SLCO1A2: variants seen among roughly 807,000 people sequenced by gnomAD.
SLCO1A2 encodes the protein OATP-1.
Under a neutral mutation model 69.0 loss-of-function variants are expected in SLCO1A2, and 67 were observed. The observed-to-expected ratio is 0.97, with a 90% CI of 0.80 to 1.19. SLCO1A2 has a LOEUF of 1.19. SLCO1A2 is among the 50% of genes most tolerant of loss of function. The pLI is 0.00. For missense variants in SLCO1A2, 787 were observed against 793.7 expected, an observed-to-expected ratio of 0.99 and a Z score of 0.10; for synonymous variants, 260 against 265.9, an observed-to-expected ratio of 0.98 and a Z score of 0.22.
intron 4 of SLCO1A2, among the ~76,000 whole-genome samples, chr12:21,310,482 G>A (rs760388980): frequency 4.6e-5 from 7 of 152,230 alleles, no homozygotes; most frequent in South Asian, 2.1e-4. Context: ...TCAGGGTAGC[G>A]GCTGCTGAAG....
At chr12:21,288,600 A>C (rs1946345060) in intron 12 of SLCO1A2, among the ~76,000 whole-genome samples, 1 of 152,166 alleles carries the variant, frequency 6.6e-6, no homozygotes. Flanking sequence ...ACTATTTGAT[A>C]GTGTATTAGA....
At position 21,318,768 on chromosome 12, in the gene SLCO1A2, A is replaced by C; in HGVS notation, c.202+14T>G. 1 of 1,587,386 alleles carries C rather than the reference A, an allele frequency of 6.3e-7. No individual in the cohort carries two copies. Among genetic ancestry groups the C allele is most frequent in the South Asian group, 1.2e-5 (1 of 85,752 alleles). ...CAAAATACAAAAAGAAGAAATGCAA[A>C]AATAATTCATTACCAATCTCAAAGC... On this transcript the variant is annotated intron_variant, in intron 3 of 14. Transcript: ENST00000683939.
chr12:21,294,351 T>C (rs1229527851), intron 10 of SLCO1A2: 2 of 300,564 alleles, frequency 6.7e-6, no homozygotes, highest in Non-Finnish European at 1.2e-5. Flanking sequence ...TAAACAAGCA[T>C]TAATTGAGCA....
chr12:21,406,406 T>C (rs1197397943), intron 1 of SLCO1A2, among the ~76,000 whole-genome samples: 2 of 152,232 alleles, frequency 1.3e-5, no homozygotes, highest in Non-Finnish European at 1.5e-5. Context: ...AACCTGGGAA[T>C]GGCTTCAAAA....
chr12:21,363,692 C>A (rs574178768), intron 2 of SLCO1A2, among the ~76,000 whole-genome samples: 4 of 152,148 alleles, frequency 2.6e-5, no homozygotes, highest in African/African-American at 7.2e-5. Flanking sequence ...CAAACAGAAG[C>A]AATAAAAAAT....
At chr12:21,371,378 G>T (rs1939776074) in intron 2 of SLCO1A2, among the ~76,000 whole-genome samples, 1 of 150,528 alleles carries the variant, frequency 6.6e-6, no homozygotes, top group Non-Finnish European at 1.5e-5. Flanking sequence ...TTACGGAAAT[G>T]CATTATCCTT....
intron 2 of SLCO1A2, among the ~76,000 whole-genome samples, chr12:21,352,443 A>C (rs573372046): frequency 6.6e-6 from 1 of 152,348 alleles, no homozygotes; most frequent in South Asian, 2.1e-4. Context: ...CAATAAGATC[A>C]TCTGATCGAG....
At chr12:21,335,425 T>TAAC (rs1952850823), upstream of SLCO1A2, among the ~76,000 whole-genome samples, 1 of 152,036 alleles carries the variant, frequency 6.6e-6, no homozygotes, top group Non-Finnish European at 1.5e-5. Context: ...TACAGATGTA[T>TAAC]AACATACAGG....
At chr12:21,333,220 G>T (rs773408120) in intron 2 of SLCO1A2, among the ~76,000 whole-genome samples, 8 of 152,064 alleles carry the variant, frequency 5.3e-5, no homozygotes, top group Admixed American at 1.3e-4. Context: ...GTTAAGAAAA[G>T]AAATTAGATG....
chr12:21,286,036 A>G (rs1255353567), intron 12 of SLCO1A2, among the ~76,000 whole-genome samples: 1 of 151,914 alleles, frequency 6.6e-6, no homozygotes, highest in East Asian at 1.9e-4. Context: ...AGGAAATAAA[A>G]GGTATTCAAT....
upstream of SLCO1A2, among the ~76,000 whole-genome samples, chr12:21,418,491 A>G (rs902678764): frequency 6.6e-6 from 1 of 152,170 alleles, no homozygotes; most frequent in African/African-American, 2.4e-5. Flanking sequence ...TCACAGTTAC[A>G]TGTGGCTAGG....
chr12:21,304,595 T>C (rs371193167), intron 5 of SLCO1A2, 22 bp from the exon 6 acceptor site: 47 of 1,579,308 alleles, frequency 3.0e-5, no homozygotes, highest in Non-Finnish European at 3.4e-5. Context: ...AAAAAAGACA[T>C]GACATTAGTG....
At chr12:21,401,861 G>A (rs1941716044) in intron 1 of SLCO1A2, among the ~76,000 whole-genome samples, 3 of 151,478 alleles carry the variant, frequency 2.0e-5, no homozygotes, top group South Asian at 4.2e-4. Context: ...AAATATAAAT[G>A]AAAATGTATT....
intron 1 of SLCO1A2, chr12:21,403,761 T>G (rs1386272670): frequency 7.0e-6 from 1 of 143,706 alleles, no homozygotes; most frequent in Non-Finnish European, 1.5e-5. Flanking sequence ...AACAGTTAAC[T>G]CTTACGTGGC....
chr12:21,326,846 T>C (rs1297753018), intron 2 of SLCO1A2, among the ~76,000 whole-genome samples: 1 of 152,104 alleles, frequency 6.6e-6, no homozygotes, highest in Admixed American at 6.6e-5. Flanking sequence ...AAGCAAAGCA[T>C]GAAAGTTAGG....
intron 1 of SLCO1A2, among the ~76,000 whole-genome samples, chr12:21,381,916 T>C (rs891046690): frequency 6.6e-6 from 1 of 152,240 alleles, no homozygotes; most frequent in Non-Finnish European, 1.5e-5. Context: ...GAAAAGAATA[T>C]GGAGATTCCT....
chr12:21,314,426 T>A, intron 4 of SLCO1A2, 123 bp downstream of exon 4: 1 of 1,002,594 alleles, frequency 1.0e-6, no homozygotes, highest in Non-Finnish European at 1.5e-6. Context: ...AGAATGTGCA[T>A]CTTCCCCTTC....
At chr12:21,340,227 C>G (rs1045389050) in intron 2 of SLCO1A2, among the ~76,000 whole-genome samples, 14 of 152,130 alleles carry the variant, frequency 9.2e-5, no homozygotes, top group Non-Finnish European at 1.8e-4. Flanking sequence ...ATTAACTAAT[C>G]ACTGTTGCAT....
At chr12:21,395,669 G>A (rs777907188), upstream of SLCO1A2, among the ~76,000 whole-genome samples, 1 of 152,174 alleles carries the variant, frequency 6.6e-6, no homozygotes, top group African/African-American at 2.4e-5. Context: ...CACGCAGCTG[G>A]ACATCTGAGA....
Sources: gnomAD v4.1 joint callset for allele counts (sites outside exome capture counted in the v4.1 genomes callset) on GRCh38, gnomAD v4.1.1 for gene constraint, MANE v1.5 for transcripts, NCBI Gene and HGNC (gene_info 2026-07-23, HGNC 2026-07-21) for gene names.